SLC26A7: variants seen among roughly 807,000 people sequenced by gnomAD.
SLC26A7 encodes anion exchange transporter.
SLC26A7 carries 59 observed loss-of-function variants against 82.5 expected under a neutral mutation model. The observed-to-expected ratio is 0.72, with a 90% CI of 0.58 to 0.89. The LOEUF is 0.89. SLC26A7 is among the 40% of genes least tolerant of loss of function. SLC26A7 has a pLI of 0.00. For missense variants in SLC26A7, 820 were observed against 793.0 expected, an observed-to-expected ratio of 1.03 and a Z score of -0.41; for synonymous variants, 271 against 274.3, an observed-to-expected ratio of 0.99 and a Z score of 0.12.
At chr8:91,392,981 A>G (rs1213258113) in intron 16 of SLC26A7, among the ~76,000 whole-genome samples, 3 of 152,186 alleles carry the variant, frequency 2.0e-5, no homozygotes, top group African/African-American at 4.8e-5. Flanking sequence ...TTATTTCACA[A>G]TTCTTCTCAC....
intron 4 of SLC26A7, among the ~76,000 whole-genome samples, chr8:91,309,592 T>C (rs959550245): frequency 2.6e-5 from 4 of 152,118 alleles, no homozygotes; most frequent in Non-Finnish European, 5.9e-5. Context: ...ACCTCAATTC[T>C]TGCCTTCTCA....
At chr8:91,276,106 A>T (rs1296303838) in intron 2 of SLC26A7, among the ~76,000 whole-genome samples, 1 of 152,184 alleles carries the variant, frequency 6.6e-6, no homozygotes, top group Non-Finnish European at 1.5e-5. Flanking sequence ...ATCATCCCAC[A>T]TGCATGGTGT....
At chr8:91,260,459 C>T (rs571264644) in intron 2 of SLC26A7, among the ~76,000 whole-genome samples, 4 of 152,196 alleles carry the variant, frequency 2.6e-5, no homozygotes, top group South Asian at 2.1e-4. Context: ...CTAAGCCATA[C>T]GTTCCTTGAG....
At chr8:91,221,687 G>A (rs1270795474) in intron 2 of SLC26A7, among the ~76,000 whole-genome samples, 1 of 152,064 alleles carries the variant, frequency 6.6e-6, no homozygotes, top group Non-Finnish European at 1.5e-5. Flanking sequence ...TTGTAGATGT[G>A]TGGTATTATT....
intron 11 of SLC26A7, among the ~76,000 whole-genome samples, chr8:91,356,156 C>G (rs948530139): frequency 6.6e-6 from 1 of 152,102 alleles, no homozygotes; most frequent in Non-Finnish European, 1.5e-5. Flanking sequence ...GGTTCCAAGT[C>G]TTTGCTATTG....
chr8:91,278,625 C>CT (rs1048190566), intron 2 of SLC26A7, among the ~76,000 whole-genome samples: 1 of 151,776 alleles, frequency 6.6e-6, no homozygotes, highest in Non-Finnish European at 1.5e-5. Flanking sequence ...AAATATTTGC[C>CT]TTTTTTTAAT....
intron 2 of SLC26A7, among the ~76,000 whole-genome samples, chr8:91,231,477 A>G (rs2130674355): frequency 6.6e-6 from 1 of 152,286 alleles, no homozygotes; most frequent in East Asian, 1.9e-4. Flanking sequence ...CAAAGTCAGA[A>G]GGCACACTCT....
chr8:91,324,943 A>G (rs1383794354), intron 5 of SLC26A7, among the ~76,000 whole-genome samples: 1 of 152,194 alleles, frequency 6.6e-6, no homozygotes, highest in Non-Finnish European at 1.5e-5. Flanking sequence ...TAAGGTAGAT[A>G]TAAGGTTGGC....
At chr8:91,306,444 C>T (rs1402104486) in intron 4 of SLC26A7, among the ~76,000 whole-genome samples, 2 of 152,170 alleles carry the variant, frequency 1.3e-5, no homozygotes, top group Non-Finnish European at 2.9e-5. Context: ...ATAGCACACA[C>T]TTTGGTGAGA....
At chr8:91,358,323 C>G (rs932079496) in intron 11 of SLC26A7, among the ~76,000 whole-genome samples, 1 of 144,678 alleles carries the variant, frequency 6.9e-6, no homozygotes, top group Non-Finnish European at 1.5e-5. Flanking sequence ...ATGTTTTTTT[C>G]TTTTTCTTTT....
At chr8:91,285,535 C>T (rs1811687653) in intron 2 of SLC26A7, among the ~76,000 whole-genome samples, 1 of 152,222 alleles carries the variant, frequency 6.6e-6, no homozygotes, top group South Asian at 2.1e-4. Flanking sequence ...CTGAGGTACT[C>T]AGGGTTAGGA....
rs966188792 is a variant in SLC26A7, at chr8:91,249,561, C to G, written c.-91C>G. On this transcript the variant is annotated 5_prime_UTR_variant, in exon 2 of 19. Coordinates refer to ENST00000276609, the MANE Select transcript of SLC26A7 (RefSeq NM_052832.4). The stretch of plus-strand genomic sequence containing the variant: ...CAGCTTTGACATTGTAAACCACAGA[C>G]GAATTGGAGCTTGGCATTGAAAGGA... 12 of 1,036,530 alleles carry G rather than the reference C, an allele frequency of 1.2e-5. No individual in the cohort carries two copies. The highest frequency in any genetic ancestry group is 1.6e-5 in the Non-Finnish European group (12 of 759,008). 64.2% of individuals were successfully genotyped at this position (1,036,530 alleles called of 1,614,324 possible).
intron 16 of SLC26A7, among the ~76,000 whole-genome samples, chr8:91,391,098 T>C (rs977890229): frequency 6.6e-6 from 1 of 152,178 alleles, no homozygotes; most frequent in African/African-American, 2.4e-5. Flanking sequence ...GCATACCTTG[T>C]GTCTCTATTC....
chr8:91,242,355 T>C (rs1810486451), intron 2 of SLC26A7, among the ~76,000 whole-genome samples: 1 of 152,240 alleles, frequency 6.6e-6, no homozygotes, highest in Non-Finnish European at 1.5e-5. Flanking sequence ...AATTTTGATA[T>C]GAAGTACAGG....
intron 4 of SLC26A7, among the ~76,000 whole-genome samples, chr8:91,310,828 T>G (rs1389900842): frequency 2.0e-5 from 3 of 148,220 alleles, no homozygotes; most frequent in African/African-American, 7.8e-5. Flanking sequence ...CCCGGAAGCA[T>G]GCCGACATAT....
chr8:91,309,524 T>A (rs1313216696), intron 4 of SLC26A7, among the ~76,000 whole-genome samples: 1 of 151,942 alleles, frequency 6.6e-6, no homozygotes, highest in African/African-American at 2.4e-5. Context: ...ATATAATACA[T>A]ATTGCAATTC....
intron 13 of SLC26A7, among the ~76,000 whole-genome samples, chr8:91,364,186 G>C (rs1814127822): frequency 6.6e-6 from 1 of 152,078 alleles, no homozygotes; most frequent in Non-Finnish European, 1.5e-5. Flanking sequence ...TAAAATTGTT[G>C]ACTTGAAATA....
intron 8 of SLC26A7, 60 bp from the exon 9 acceptor site, chr8:91,343,293 T>A (rs569642403): frequency 1.9e-6 from 2 of 1,057,616 alleles, no homozygotes; most frequent in Non-Finnish European, 2.8e-6. Flanking sequence ...AAATTGTACC[T>A]GTGGTCTCTA....
At chr8:91,320,457 G>A (rs1030994771) in intron 5 of SLC26A7, among the ~76,000 whole-genome samples, 3 of 152,204 alleles carry the variant, frequency 2.0e-5, no homozygotes, top group African/African-American at 7.2e-5. Context: ...CTGTGAGGCT[G>A]TTAGGTGGGA....
Sources: gnomAD v4.1 joint callset for allele counts (sites outside exome capture counted in the v4.1 genomes callset) on GRCh38, gnomAD v4.1.1 for gene constraint, MANE v1.5 for transcripts, NCBI Gene and HGNC (gene_info 2026-07-23, HGNC 2026-07-21) for gene names.